The following PHF13 variants were observed in gnomAD, a reference collection of about 807,000 sequenced individuals.
The protein encoded by PHF13 is PHD finger protein 13.
In PHF13, 1 loss-of-function variant was observed where a neutral mutation model predicts 25.8. The ratio of observed to expected loss-of-function variants is 0.04; its 90% CI spans 0.01 to 0.18. The LOEUF is 0.18. Among genes scored for constraint, PHF13 ranks in the 10% least tolerant of loss-of-function variants. PHF13 has a pLI of 1.00. For missense variants in PHF13, 306 were observed against 403.2 expected, an observed-to-expected ratio of 0.76 and a Z score of 2.06; for synonymous variants, 195 against 162.4, an observed-to-expected ratio of 1.20 and a Z score of -1.53.
At chr1:6,617,477 G>A (rs1416859346) in intron 2 of PHF13, among the ~76,000 whole-genome samples, 2 of 152,240 alleles carry the variant, frequency 1.3e-5, no homozygotes, top group East Asian at 1.9e-4. Flanking sequence ...TGGCTCTGTC[G>A]CCCAGGCTGG....
rs1440983769 is a variant in PHF13 at position 6,613,856 on chromosome 1, T to C, written c.-211T>C. The C allele has an allele frequency of 2.4e-6, 1 of 418,708 alleles. No individual in the cohort carries two copies. The highest frequency in any genetic ancestry group is 4.3e-6 in the Non-Finnish European group (1 of 234,660). The allele number at this position is 418,708 out of a possible 1,614,324, so 25.9% of individuals were successfully genotyped here. A position where few individuals can be genotyped will look rare whatever the true frequency, so the allele number is the denominator to read the frequency against. ...CGCCTCTACCGCCGCGGGAGCTGCA[T>C]CGTCCACTCCGGTCGGCGGTGGAAC... On this transcript the variant is annotated 5_prime_UTR_variant, in exon 1 of 4. Transcript: ENST00000377648.
At position 6,623,372 on chromosome 1, in the gene PHF13, G is replaced by A. The variant is rs1641375457; in HGVS notation, c.*1735G>A. 1 of 152,618 alleles carries A rather than the reference G, an allele frequency of 6.6e-6. No individual in the cohort carries two copies. The highest frequency in any genetic ancestry group is 1.5e-5 in the Non-Finnish European group (1 of 68,036). The allele number at this position is 152,618 out of a possible 1,614,324, so 9.5% of individuals were successfully genotyped here. A position where few individuals can be genotyped will look rare whatever the true frequency, so the allele number is the denominator to read the frequency against. ...GTTCGGTAGAGAAAAATAGTAAGCT[G>A]GTTTAGAAACTGACGAGGGCAAACA... is the stretch of plus-strand genomic sequence containing the variant. On this transcript the variant is annotated 3_prime_UTR_variant, in exon 4 of 4. Transcript: ENST00000377648.
At chr1:6,614,224 T>TCGTCGGC in intron 1 of PHF13, 119 bp downstream of exon 1, 1 of 613,356 alleles carries the variant, frequency 1.6e-6, no homozygotes, top group East Asian at 4.0e-5. Flanking sequence ...CGCTTTCCCC[T>TCGTCGGC]CGTCGGCCCC....
Position 6,621,393 on chromosome 1 carries a change from G to T in PHF13, c.677-18G>T. On this transcript the variant is annotated intron_variant, in intron 3 of 3. Transcript: ENST00000377648. The surrounding 1 kb of genome is among the most constrained non-coding windows in gnomAD (Gnocchi z 4.8). ...ATGGGAATTTCTCTTCCCTCCTTGA[G>T]AGTATCTTTCCTTCCAGATGACGAT... The T allele has an allele frequency of 2.5e-6, 4 of 1,612,774 alleles. No individual in the cohort carries two copies. The highest frequency in any genetic ancestry group is 3.4e-6 in the Non-Finnish European group (4 of 1,178,850).
rs373251575 is a variant in PHF13, at chr1:6,617,963, C to T, written c.141+1105C>T. On this transcript the variant is annotated intron_variant, in intron 2 of 3. Coordinates refer to ENST00000377648, the MANE Select transcript of PHF13 (RefSeq NM_153812.3). Reference sequence around the variant, plus strand: ...AGTGCACACGCTGCCTCTGTCTCAGCTCCCTGGCTGCCCGAAATGCGTATG... The same window carrying T: ...AGTGCACACGCTGCCTCTGTCTCAGTTCCCTGGCTGCCCGAAATGCGTATG... Among the ~76,000 whole-genome samples, 11 of 152,316 alleles carry T rather than the reference C, an allele frequency of 7.2e-5. No individual in the cohort carries two copies. In the East Asian group the frequency reaches 2.1e-3, roughly 29 times the overall value.
chr1:6,618,509 G>C (rs1641293089), intron 2 of PHF13, among the ~76,000 whole-genome samples: 1 of 152,314 alleles, frequency 6.6e-6, no homozygotes, highest in South Asian at 2.1e-4. Flanking sequence ...CTCCTGCCTT[G>C]GTCTCCCAGA....
intron 2 of PHF13, among the ~76,000 whole-genome samples, chr1:6,618,298 A>G (rs369392596): frequency 6.6e-6 from 1 of 151,888 alleles, no homozygotes; most frequent in African/African-American, 2.4e-5. Context: ...ACACCCACCT[A>G]ATTTTTGTAT....
chr1:6,616,559 A>T (rs1229203065), intron 1 of PHF13, among the ~76,000 whole-genome samples, 198 bp from the exon 2 acceptor site: 2 of 152,222 alleles, frequency 1.3e-5, no homozygotes, highest in Non-Finnish European at 2.9e-5. Context: ...ATAAAGTCTT[A>T]ATACTCCTCT....
intron 2 of PHF13, among the ~76,000 whole-genome samples, chr1:6,619,047 G>C (rs1641302155): frequency 6.6e-6 from 1 of 152,142 alleles, no homozygotes; most frequent in South Asian, 2.1e-4. Context: ...ACTGCTTTGG[G>C]GCAGTAATTA....
Position 6,619,917 on chromosome 1 carries a change from T to C in PHF13, c.256T>C (p.Ser86Pro), listed in dbSNP as rs1424018974. Residue 86 changes from serine to proline, a missense_variant, in exon 3 of 4, where the codon TCT becomes CCT. By Grantham distance (74) the Ser-to-Pro change is moderately conservative. Transcript: ENST00000377648. ...CGCGTCCTCAGTGCCCTTGCCAGTC[T>C]CTGACCGCTGCTTTAGCCACCTGCA... ...DIASSVPLPV[S>P]DRCFSHLQPT... 2 of 1,613,860 alleles carry C rather than the reference T, an allele frequency of 1.2e-6. No homozygotes were observed. The highest frequency in any genetic ancestry group is 1.7e-6 in the Non-Finnish European group (2 of 1,180,032).
In PHF13 at chr1:6,613,896, C is replaced by A; in HGVS notation, c.-171C>A. ...GGCGGTGGAACCGCCAGTCCGGGGT[C>A]ACAGAGCTTGAGAAGCGACGCGCTG... On this transcript the variant is annotated 5_prime_UTR_variant, in exon 1 of 4. Coordinates refer to ENST00000377648, the MANE Select transcript of PHF13 (RefSeq NM_153812.3). The A allele has an allele frequency of 1.9e-6, 1 of 533,652 alleles. No individual in the cohort carries two copies. Among genetic ancestry groups the A allele is most frequent in the South Asian group, 2.3e-5 (1 of 42,688 alleles). 33.1% of individuals were successfully genotyped at this position (533,652 alleles called of 1,614,324 possible).
chr1:6,620,535 C>T (rs1182557718), intron 3 of PHF13, among the ~76,000 whole-genome samples, 198 bp downstream of exon 3: 1 of 152,196 alleles, frequency 6.6e-6, no homozygotes, highest in Non-Finnish European at 1.5e-5. Flanking sequence ...CCACTAGAGA[C>T]AGCTGAGATT....
chr1:6,616,306 C>T lies in PHF13; in HGVS notation c.40-451C>T, dbSNP rs577794802. On this transcript the variant is annotated intron_variant, in intron 1 of 3. Coordinates refer to ENST00000377648, the MANE Select transcript of PHF13 (RefSeq NM_153812.3). ...CCTCCCAAAGTGCTGGGATTACAGA[C>T]GAGAGCCACCGCGCCCGGCGAGTGG... Among the ~76,000 whole-genome samples, 8 of 152,150 alleles carry T rather than the reference C, an allele frequency of 5.3e-5. No individual in the cohort carries two copies. The South Asian group carries it at 6.2e-4, about 12-fold the overall frequency.
At chr1:6,619,352 G>GT (rs1468219513) in intron 2 of PHF13, among the ~76,000 whole-genome samples, 265 of 144,398 alleles carry the variant, frequency 1.8e-3, no homozygotes, top group Admixed American at 2.6e-3. Flanking sequence ...ATGGCACTGG[G>GT]TTTTTTTTTT....
rs187163492 is a variant in PHF13 at position 6,620,638 on chromosome 1, C to G, written c.676+301C>G. ...ACGGTGGCTCCACCAGTAATCCCGG[C>G]ACTTTGGGAGGCCAAGGCAGGTGGA... On this transcript the variant is annotated intron_variant, in intron 3 of 3. Transcript: ENST00000377648. 5.1e-4 allele frequency among the ~76,000 whole-genome samples: 78 copies of G among 152,324 alleles called. 1 individual carries two copies. The highest frequency in any genetic ancestry group is 1.8e-3 in the African/African-American group (73 of 41,582).
Position 6,621,041 on chromosome 1 carries a change from A to AAG in PHF13, c.677-369_677-368insGA, listed in dbSNP as rs1641330978. Reference sequence around the variant, plus strand: ...CAAAACTCCGTCTCAAGAAAAAAAAAAAAAACAATAGTCGAGTGTGGTGGT... The same window carrying AAG: ...CAAAACTCCGTCTCAAGAAAAAAAAAAGAAAAACAATAGTCGAGTGTGGTGGT... On this transcript the variant is annotated intron_variant, in intron 3 of 3. Coordinates refer to ENST00000377648, the MANE Select transcript of PHF13 (RefSeq NM_153812.3). This position sits in a 1 kb window ranked among gnomAD's most constrained non-coding sequence, Gnocchi z 4.8. Among the ~76,000 whole-genome samples, 1 of 150,510 alleles carries AAG rather than the reference A, an allele frequency of 6.6e-6. No individual in the cohort carries two copies.
chr1:6,614,777 C>G (rs1357424829), intron 1 of PHF13, among the ~76,000 whole-genome samples: 2 of 150,918 alleles, frequency 1.3e-5, no homozygotes, highest in East Asian at 3.9e-4. Context: ...TTTGCTGGCT[C>G]CGCCCCGGCT....
chr1:6,619,665 T>C (rs1264378530), intron 2 of PHF13, 138 bp from the exon 3 acceptor site: 4 of 879,732 alleles, frequency 4.5e-6, no homozygotes, highest in East Asian at 4.9e-5. Context: ...TTGCTTCAAG[T>C]GTGATGCTGA....
intron 2 of PHF13, 58 bp downstream of exon 2, chr1:6,616,916 C>G (rs533907152): frequency 1.3e-6 from 2 of 1,481,974 alleles, no homozygotes; most frequent in African/African-American, 2.8e-5. Context: ...AGTGCCTCCA[C>G]CGCAAGTTCG....
Sources: gnomAD v4.1 joint callset for allele counts (sites outside exome capture counted in the v4.1 genomes callset) on GRCh38, gnomAD v4.1.1 for gene constraint, Gnocchi (gnomAD v3.1) non-coding constraint, MANE v1.5 for transcripts, NCBI Gene and HGNC (gene_info 2026-07-23, HGNC 2026-07-21) for gene names.